Variants in SAMD5 observed in about 807,000 individuals in gnomAD.
SAMD5 encodes the protein sterile alpha motif domain containing 5, also known as sterile alpha motif domain-containing protein 5.
In SAMD5, 13 loss-of-function variants were observed where a neutral mutation model predicts 11.3. That is an observed-to-expected ratio of 1.15 (90% CI 0.75 to 1.83). The LOEUF (loss-of-function observed/expected upper bound fraction) is 1.83, where lower values mean the gene tolerates loss of function less well. Among genes scored for constraint, SAMD5 ranks in the 40% most tolerant of loss-of-function variants. The pLI is 0.00. For synonymous variants in SAMD5, 129 were observed against 111.3 expected (o/e 1.16, Z -1.00); for missense variants, 255 against 239.1 (o/e 1.07, Z -0.44).
chr6:147,795,218 C>T, the SAMD5 span, among the ~76,000 whole-genome samples: 1 of 117,318 alleles, frequency 8.5e-6, no homozygotes, highest in Non-Finnish European at 1.7e-5. Context: ...CTCCCCCCTC[C>T]CCCCACCCCA....
chr6:147,715,090 C>G (rs1249567792), intron 1 of SAMD5, among the ~76,000 whole-genome samples: 1 of 152,178 alleles, frequency 6.6e-6, no homozygotes, highest in East Asian at 1.9e-4. Context: ...GCAGTGGTGT[C>G]ACGGGATCTT....
chr6:147,806,221 A>G, the SAMD5 span, among the ~76,000 whole-genome samples: 1 of 152,224 alleles, frequency 6.6e-6, no homozygotes, highest in African/African-American at 2.4e-5. Flanking sequence ...CTAATGAGAC[A>G]TCCTCTGACA....
the SAMD5 span, among the ~76,000 whole-genome samples, chr6:147,911,869 C>T: frequency 3.7e-4 from 57 of 152,212 alleles, no homozygotes; most frequent in Non-Finnish European, 1.3e-4. Context: ...TTGGGGCCTG[C>T]CAGATCTAGA....
At chr6:147,524,065 T>C in intron 1 of SAMD5, among the ~76,000 whole-genome samples, 1 of 152,224 alleles carries the variant, frequency 6.6e-6, no homozygotes, top group East Asian at 1.9e-4. Context: ...TTCAGTTTTA[T>C]TGCAGTGTCA....
the SAMD5 span, among the ~76,000 whole-genome samples, chr6:147,866,347 A>G: frequency 1.6e-4 from 24 of 152,212 alleles, no homozygotes; most frequent in Non-Finnish European, 2.9e-4. Flanking sequence ...TGTTACACCA[A>G]CAATACATGT....
chr6:147,653,375 G>A (rs962190555), intron 1 of SAMD5, among the ~76,000 whole-genome samples: 2 of 152,200 alleles, frequency 1.3e-5, no homozygotes, highest in Non-Finnish European at 2.9e-5. Context: ...TTTGGACAGT[G>A]AGAGTATGTG....
chr6:147,885,495 G>C, the SAMD5 span, among the ~76,000 whole-genome samples: 10 of 151,792 alleles, frequency 6.6e-5, no homozygotes, highest in Non-Finnish European at 1.2e-4. Flanking sequence ...CTTACCCCAA[G>C]TTCCCTCAAA....
At chr6:147,865,051 T>C in the SAMD5 span, among the ~76,000 whole-genome samples, 2 of 152,212 alleles carry the variant, frequency 1.3e-5, no homozygotes, top group East Asian at 1.9e-4. Flanking sequence ...AAGTAAAATA[T>C]ATTGCTTCCC....
chr6:147,828,000 G>A, the SAMD5 span, among the ~76,000 whole-genome samples: 2 of 151,262 alleles, frequency 1.3e-5, no homozygotes, highest in African/African-American at 2.4e-5. Flanking sequence ...GGATTTTGCC[G>A]TGGTCTCGAT....
At chr6:147,536,626 C>A (rs1222348116) in intron 1 of SAMD5, among the ~76,000 whole-genome samples, 1 of 151,788 alleles carries the variant, frequency 6.6e-6, no homozygotes, top group African/African-American at 2.4e-5. Context: ...TTGAAAAGGA[C>A]CAAAGCAAGA....
the SAMD5 span, among the ~76,000 whole-genome samples, chr6:147,933,982 G>T: frequency 2.6e-5 from 4 of 152,108 alleles, no homozygotes; most frequent in Admixed American, 1.3e-4. Context: ...CATTGCCATG[G>T]GTGTGCCCCT....
At chr6:147,742,738 G>A in the SAMD5 span, among the ~76,000 whole-genome samples, 1 of 152,020 alleles carries the variant, frequency 6.6e-6, no homozygotes, top group African/African-American at 2.4e-5. Context: ...AGATAATGAA[G>A]TTTCTCCTTG....
chr6:147,596,796 A>G (rs1005190311), intron 1 of SAMD5, among the ~76,000 whole-genome samples: 1 of 152,174 alleles, frequency 6.6e-6, no homozygotes, highest in African/African-American at 2.4e-5. Context: ...CATTGGTTAG[A>G]TGGGTGTTGT....
chr6:147,884,959 A>T, the SAMD5 span, among the ~76,000 whole-genome samples: 1 of 152,246 alleles, frequency 6.6e-6, no homozygotes, highest in Non-Finnish European at 1.5e-5. Context: ...TATCTCAGAC[A>T]GTGTAGCTTC....
chr6:147,521,463 CT>C (rs2128440053), intron 1 of SAMD5, among the ~76,000 whole-genome samples: 1 of 152,044 alleles, frequency 6.6e-6, no homozygotes, highest in Non-Finnish European at 1.5e-5. Context: ...TATTTTCTGC[CT>C]TTTCAGTAAT....
chr6:147,784,191 ATTAAG>A, the SAMD5 span, among the ~76,000 whole-genome samples: 1 of 134,424 alleles, frequency 7.4e-6, no homozygotes, highest in South Asian at 2.4e-4. Context: ...ACTTTCTTAA[ATTAAG>A]GGAATTTTTT....
At chr6:147,798,212 T>C in the SAMD5 span, among the ~76,000 whole-genome samples, 2 of 149,400 alleles carry the variant, frequency 1.3e-5, no homozygotes, top group East Asian at 1.9e-4. Flanking sequence ...TTTAGTGTTA[T>C]AAATTTCCCT....
chr6:147,770,060 A>G, the SAMD5 span, among the ~76,000 whole-genome samples: 2 of 152,174 alleles, frequency 1.3e-5, no homozygotes, highest in African/African-American at 4.8e-5. Flanking sequence ...TTAGTTTCTT[A>G]GTTGGAACCA....
In SAMD5 at chr6:147,633,803, T is replaced by C. The variant is rs184357619; in HGVS notation, c.163-103514T>C. Among the ~76,000 whole-genome samples the C allele has an allele frequency of 4.7e-4, 71 of 152,220 alleles. 1 individual carries two copies. The South Asian group carries it at 0.012, about 26-fold the overall frequency. ...GTGTGTGTTCAAAGGAGTGTATTCA[T>C]TTTTTCCTTTGTTTTACTGAGATAG... On this transcript the variant is annotated intron_variant, in intron 1 of 1. Coordinates refer to the SAMD5 transcript ENST00000566741.
Sources: allele counts gnomAD v4.1 joint callset (sites outside exome capture counted in the v4.1 genomes callset), GRCh38; gene constraint gnomAD v4.1.1; transcripts MANE v1.5; gene names NCBI Gene and HGNC (gene_info 2026-07-23, HGNC 2026-07-21).